The following KIF26B variants were observed in gnomAD, a reference collection of about 807,000 sequenced individuals.
KIF26B encodes kinesin-like protein KIF26B.
Under a neutral mutation model 151.2 loss-of-function variants are expected in KIF26B, and 63 were observed. That is an observed-to-expected ratio of 0.42 (90% CI 0.34 to 0.51). The LOEUF (loss-of-function observed/expected upper bound fraction) is 0.51. KIF26B is among the 20% of genes least tolerant of loss of function. The probability of loss-of-function intolerance (pLI) is 0.07; values close to 1 mark genes in which losing one functional copy is unlikely to be tolerated. For missense variants in KIF26B, 2,813 were observed against 2,913.6 expected (o/e 0.97, Z 0.79); for synonymous variants, 1,357 against 1,262.1 (o/e 1.08, Z -1.59).
At chr1:245,628,057 G>A (rs149214546) in intron 9 of KIF26B, among the ~76,000 whole-genome samples, 4,791 of 152,242 alleles carry the variant, frequency 0.031, 269 homozygotes, top group African/African-American at 0.11. Flanking sequence ...GAGGTACGAC[G>A]AGGAGCTAGT....
In KIF26B at chr1:245,551,984, A is replaced by G. The variant is rs545649830; in HGVS notation, c.1350+11034A>G. ...GGTCTCCTTAACGAATGTAAGCTCC[A>G]TGAGGGCAGGGCCATGTCCTTCTTG... is the stretch of plus-strand genomic sequence containing the variant. On this transcript the variant is annotated intron_variant, in intron 5 of 14. Coordinates refer to ENST00000407071, the MANE Select transcript of KIF26B (RefSeq NM_018012.4). Among the ~76,000 whole-genome samples, 17 of 152,252 alleles carry G rather than the reference A, an allele frequency of 1.1e-4. 1 individual carries two copies. Among genetic ancestry groups the G allele is most frequent in the African/African-American group, 3.6e-4 (15 of 41,536 alleles).
chr1:245,156,302 C>T lies in KIF26B; in HGVS notation c.84C>T (p.Pro28=), dbSNP rs1433773620. ...KKYGVNEVCS[P]TKPAAPFSPE... ...CGCAGGTGAATGAAGTCTGCTCGCCCACCAAGCCCGCAGCGCCCTTCTCCC... is the reference window on the plus strand; with the variant it reads ...CGCAGGTGAATGAAGTCTGCTCGCCTACCAAGCCCGCAGCGCCCTTCTCCC... The change falls in exon 2 of 15, where the codon CCC becomes CCT. Residue 28 remains proline, a synonymous_variant. Coordinates refer to ENST00000407071, the MANE Select transcript of KIF26B (RefSeq NM_018012.4). 5.2e-6 allele frequency: 8 copies of T among 1,547,456 alleles called. No homozygotes were observed. The highest frequency in any genetic ancestry group is 7.0e-6 in the Non-Finnish European group (8 of 1,146,052).
intron 4 of KIF26B, among the ~76,000 whole-genome samples, chr1:245,421,823 G>T (rs939498013): frequency 1.3e-5 from 2 of 152,122 alleles, no homozygotes; most frequent in Non-Finnish European, 2.9e-5. Context: ...TGGAAATGAG[G>T]GGGGCCTGGG....
intron 2 of KIF26B, among the ~76,000 whole-genome samples, chr1:245,299,565 T>G (rs1671392799): frequency 6.6e-6 from 1 of 152,182 alleles, no homozygotes; most frequent in East Asian, 1.9e-4. Context: ...TACTTTTGCA[T>G]AAAAAACTTC....
chr1:245,250,792 T>C (rs79074707), intron 2 of KIF26B, among the ~76,000 whole-genome samples: 18,176 of 152,264 alleles, frequency 0.12, 1,188 homozygotes, highest in Middle Eastern at 0.15. Flanking sequence ...GTGTCCATTA[T>C]TGTAATTGAA....
rs1673257453 is a variant in KIF26B at position 245,375,702 on chromosome 1, A to C, written c.999+8335A>C. On this transcript the variant is annotated intron_variant, in intron 3 of 14. Transcript: ENST00000407071. This position sits in a 1 kb window ranked among gnomAD's most constrained non-coding sequence, Gnocchi z 4.2. ...TGTGTGCTATTTTGCTTCAGCAGCA[A>C]TAGGAAGCTATTACAACTGGTGAGC... Among the ~76,000 whole-genome samples the C allele has an allele frequency of 6.6e-6, 1 of 152,184 alleles. No individual in the cohort carries two copies. The highest frequency in any genetic ancestry group is 2.1e-4 in the South Asian group (1 of 4,822).
chr1:245,561,032 C>A (rs1203919352), intron 5 of KIF26B, among the ~76,000 whole-genome samples: 2 of 152,210 alleles, frequency 1.3e-5, no homozygotes, highest in African/African-American at 4.8e-5. Flanking sequence ...TAGGAGAAAC[C>A]AAAGTGCCTC....
At chr1:245,335,666 C>T (rs1286806128) in intron 2 of KIF26B, among the ~76,000 whole-genome samples, 1 of 147,722 alleles carries the variant, frequency 6.8e-6, no homozygotes, top group Non-Finnish European at 1.5e-5. Flanking sequence ...GGGGGTCCCA[C>T]GCGGGGAAAG....
Position 245,222,104 on chromosome 1 carries a change from A to G in KIF26B, c.465+65421A>G, listed in dbSNP as rs1669785907. Among the ~76,000 whole-genome samples the G allele has an allele frequency of 3.3e-5, 5 of 152,192 alleles. No individual in the cohort carries two copies. In the South Asian group the frequency reaches 6.2e-4, roughly 19 times the overall value. On this transcript the variant is annotated intron_variant, in intron 2 of 14. Coordinates refer to ENST00000407071, the MANE Select transcript of KIF26B (RefSeq NM_018012.4). ...AAAGGCACGTTGTCATGGTTAAGAAATATCACATGCCAACTTAGTGACGGG... is the reference window on the plus strand; with the variant it reads ...AAAGGCACGTTGTCATGGTTAAGAAGTATCACATGCCAACTTAGTGACGGG...
At chr1:245,338,683 C>T (rs1041350062) in intron 2 of KIF26B, among the ~76,000 whole-genome samples, 2 of 152,188 alleles carry the variant, frequency 1.3e-5, no homozygotes, top group Admixed American at 1.3e-4. Flanking sequence ...GTCTTTTCTG[C>T]TTCAGTCAGC....
intron 3 of KIF26B, among the ~76,000 whole-genome samples, chr1:245,409,436 A>G (rs1674220323): frequency 6.6e-6 from 1 of 152,190 alleles, no homozygotes; most frequent in East Asian, 1.9e-4. Context: ...GATAATGGGA[A>G]TCCTGAAACA....
rs529220958 is a variant in KIF26B at position 245,554,882 on chromosome 1, A to G, written c.1350+13932A>G. Among the ~76,000 whole-genome samples, 6 of 152,306 alleles carry G rather than the reference A, an allele frequency of 3.9e-5. No homozygotes were observed. The East Asian group carries it at 9.7e-4, about 25-fold the overall frequency. On this transcript the variant is annotated intron_variant, in intron 5 of 14. Transcript: ENST00000407071. ...CGTGTGCTCATACAGACCCCTCTCC[A>G]AAGACCTCACGCATCCTTTGCTTCT...
chr1:245,672,506 C>G (rs911731655), intron 10 of KIF26B, among the ~76,000 whole-genome samples: 11 of 152,190 alleles, frequency 7.2e-5, no homozygotes, highest in African/African-American at 2.4e-4. Flanking sequence ...TTTCTGTCAT[C>G]CCTCCTGGAA....
chr1:245,286,325 T>TGA (rs1671163968), intron 2 of KIF26B, among the ~76,000 whole-genome samples: 1 of 151,996 alleles, frequency 6.6e-6, no homozygotes, highest in South Asian at 2.1e-4. Context: ...GTGGATCACC[T>TGA]GAGTTCAGGG....
chr1:245,186,084 AG>A (rs1223374524), intron 2 of KIF26B, among the ~76,000 whole-genome samples: 1 of 152,158 alleles, frequency 6.6e-6, no homozygotes, highest in Non-Finnish European at 1.5e-5. Flanking sequence ...CATGTTGGTC[AG>A]GCTGGTCTCG....
intron 3 of KIF26B, among the ~76,000 whole-genome samples, chr1:245,388,465 C>T (rs1673606551): frequency 6.6e-6 from 1 of 152,174 alleles, no homozygotes. Context: ...GCCAGATTTC[C>T]TCTTTCTTTC....
chr1:245,174,425 GA>G (rs906164475), intron 2 of KIF26B, among the ~76,000 whole-genome samples: 10 of 149,568 alleles, frequency 6.7e-5, no homozygotes, highest in South Asian at 2.1e-4. Flanking sequence ...AGTAATACAA[GA>G]AAAAAAAAGA....
At chr1:245,485,144 T>A (rs767868019) in intron 4 of KIF26B, among the ~76,000 whole-genome samples, 6 of 152,064 alleles carry the variant, frequency 3.9e-5, no homozygotes, top group Non-Finnish European at 7.4e-5. Context: ...TAAATCCACT[T>A]AAATAGGGGA....
chr1:245,622,660 A>G (rs950459857), intron 9 of KIF26B, among the ~76,000 whole-genome samples: 2 of 152,080 alleles, frequency 1.3e-5, no homozygotes, highest in Non-Finnish European at 2.9e-5. Context: ...TGCCTTTGCC[A>G]TTTTCCTTCT....
Sources: allele counts gnomAD v4.1 joint callset (sites outside exome capture counted in the v4.1 genomes callset), GRCh38; gene constraint gnomAD v4.1.1; non-coding constraint Gnocchi (gnomAD v3.1); transcripts MANE v1.5; gene names NCBI Gene and HGNC (gene_info 2026-07-23, HGNC 2026-07-21).